PHACTR1: variants seen among roughly 807,000 people sequenced by gnomAD.
The protein encoded by PHACTR1 is RPEL repeat containing 1.
In PHACTR1, 16 loss-of-function variants were observed where a neutral mutation model predicts 69.2. That is an observed-to-expected ratio of 0.23 (90% CI 0.16 to 0.35). The LOEUF (loss-of-function observed/expected upper bound fraction) is 0.35, where lower values mean the gene tolerates loss of function less well. PHACTR1 is among the 10% of genes least tolerant of loss of function. PHACTR1 has a pLI of 1.00. For missense variants in PHACTR1, 510 were observed against 734.7 expected, an observed-to-expected ratio of 0.69 and a Z score of 3.54; for synonymous variants, 312 against 284.5, an observed-to-expected ratio of 1.10 and a Z score of -0.97.
chr6:13,126,382 C>A (rs1048600989), intron 5 of PHACTR1, among the ~76,000 whole-genome samples: 7 of 152,074 alleles, frequency 4.6e-5, no homozygotes, highest in African/African-American at 1.7e-4. Flanking sequence ...AAGGACAAAC[C>A]CAGATGCCCA....
At chr6:13,166,813 C>G (rs925463376) in intron 6 of PHACTR1, among the ~76,000 whole-genome samples, 1 of 152,178 alleles carries the variant, frequency 6.6e-6, no homozygotes, top group Admixed American at 6.5e-5. Context: ...ATCCTCCAGT[C>G]CCATAGTCAG....
chr6:13,267,854 AAAAAAAAAAAAAAAAAAAGC>A (rs1418958566), intron 10 of PHACTR1: 2 of 19,722 alleles, frequency 1.0e-4, no homozygotes, highest in Admixed American at 1.6e-3. Flanking sequence ...AAAAAAAAAA[AAAAAAAAAAAAAAAAAAAGC>A]AGGACAGATG....
chr6:12,841,763 A>G (rs1271730056), intron 4 of PHACTR1, among the ~76,000 whole-genome samples: 2 of 152,180 alleles, frequency 1.3e-5, no homozygotes, highest in Admixed American at 1.3e-4. Flanking sequence ...TGTACAGTAA[A>G]CATTTCAAGT....
intron 10 of PHACTR1, among the ~76,000 whole-genome samples, chr6:13,271,361 C>T (rs1338427102): frequency 6.6e-6 from 1 of 152,130 alleles, no homozygotes; most frequent in Non-Finnish European, 1.5e-5. Context: ...CGACAAATAT[C>T]CAAACTATAT....
intron 6 of PHACTR1, among the ~76,000 whole-genome samples, chr6:13,174,345 T>A (rs971884050): frequency 3.3e-5 from 5 of 152,256 alleles, no homozygotes; most frequent in African/African-American, 1.2e-4. Flanking sequence ...ACTTCTTTAT[T>A]TTGCTAACTA....
chr6:13,204,542 G>A (rs1765642879), intron 7 of PHACTR1, among the ~76,000 whole-genome samples: 2 of 152,140 alleles, frequency 1.3e-5, no homozygotes, highest in Non-Finnish European at 2.9e-5. Flanking sequence ...AAATGCCCTG[G>A]GGTCTAGTCT....
At chr6:12,814,206 A>G (rs912975270) in intron 4 of PHACTR1, among the ~76,000 whole-genome samples, 1 of 152,108 alleles carries the variant, frequency 6.6e-6, no homozygotes, top group African/African-American at 2.4e-5. Context: ...CTGGAGTACA[A>G]ACTCCTCTTG....
chr6:12,783,491 T>A (rs1473123220), intron 4 of PHACTR1, among the ~76,000 whole-genome samples: 3 of 152,116 alleles, frequency 2.0e-5, no homozygotes, highest in African/African-American at 7.2e-5. Context: ...TGAGGTGCAA[T>A]GTTTAGGTGA....
At chr6:12,833,264 T>G (rs558889352) in intron 4 of PHACTR1, among the ~76,000 whole-genome samples, 2 of 151,698 alleles carry the variant, frequency 1.3e-5, no homozygotes, top group Admixed American at 1.3e-4. Context: ...GTTCTTTTTT[T>G]TTCTTTTTTT....
intron 4 of PHACTR1, among the ~76,000 whole-genome samples, chr6:13,023,691 C>G (rs1260526990): frequency 6.6e-6 from 1 of 152,200 alleles, no homozygotes; most frequent in Non-Finnish European, 1.5e-5. Context: ...AACAGTAGCA[C>G]TGCTCCCTGT....
At chr6:12,898,765 G>A (rs1314877857) in intron 4 of PHACTR1, among the ~76,000 whole-genome samples, 1 of 152,098 alleles carries the variant, frequency 6.6e-6, no homozygotes, top group African/African-American at 2.4e-5. Context: ...CTTCCCCATC[G>A]ATGTCAGAAT....
At chr6:12,875,261 C>T (rs1582224428) in intron 4 of PHACTR1, among the ~76,000 whole-genome samples, 1 of 152,324 alleles carries the variant, frequency 6.6e-6, no homozygotes, top group Non-Finnish European at 1.5e-5. Flanking sequence ...TCATTTATTA[C>T]TCATCGTGAC....
chr6:13,130,542 C>A (rs1820256902), intron 5 of PHACTR1, among the ~76,000 whole-genome samples: 1 of 152,024 alleles, frequency 6.6e-6, no homozygotes, highest in Non-Finnish European at 1.5e-5. Flanking sequence ...TTTACACACA[C>A]AAACTAGAAA....
At chr6:12,723,945 T>A (rs963258431) in intron 3 of PHACTR1, among the ~76,000 whole-genome samples, 1 of 152,220 alleles carries the variant, frequency 6.6e-6, no homozygotes, top group Non-Finnish European at 1.5e-5. Context: ...TTCAGCATCA[T>A]GCAGCTATTC....
At chr6:12,851,002 A>G (rs1007143324) in intron 4 of PHACTR1, among the ~76,000 whole-genome samples, 7 of 152,200 alleles carry the variant, frequency 4.6e-5, no homozygotes, top group African/African-American at 1.7e-4. Flanking sequence ...AATTAAACCC[A>G]TAACTATATT....
At chr6:13,231,896 G>A (rs190649561) in intron 10 of PHACTR1, among the ~76,000 whole-genome samples, 1 of 152,324 alleles carries the variant, frequency 6.6e-6, no homozygotes, top group East Asian at 1.9e-4. Flanking sequence ...CAGGCATAGA[G>A]AACTTTGGTT....
chr6:12,992,175 A>T (rs1796895183), intron 4 of PHACTR1, among the ~76,000 whole-genome samples: 1 of 152,210 alleles, frequency 6.6e-6, no homozygotes, highest in Admixed American at 6.5e-5. Flanking sequence ...CCAGTGATAA[A>T]TGTTGAAGGA....
intron 5 of PHACTR1, among the ~76,000 whole-genome samples, chr6:13,146,825 A>G (rs1823425450): frequency 1.3e-5 from 2 of 152,240 alleles, no homozygotes; most frequent in Admixed American, 6.5e-5. Context: ...CTCTGAATCA[A>G]TGAATTTTCT....
At chr6:13,141,414 A>G (rs1398219970) in intron 5 of PHACTR1, among the ~76,000 whole-genome samples, 1 of 152,230 alleles carries the variant, frequency 6.6e-6, no homozygotes, top group Non-Finnish European at 1.5e-5. Context: ...TGCTATTTTT[A>G]TTTGTGAATT....
Sources: allele counts gnomAD v4.1 joint callset (sites outside exome capture counted in the v4.1 genomes callset), GRCh38; gene constraint gnomAD v4.1.1; transcripts MANE v1.5; gene names NCBI Gene and HGNC (gene_info 2026-07-23, HGNC 2026-07-21).